NRAP: variants seen among roughly 807,000 people sequenced by gnomAD.
The protein encoded by NRAP is nebulin related anchoring protein.
NRAP carries 189 observed loss-of-function variants against 225.9 expected under a neutral mutation model. The observed-to-expected ratio is 0.84, with a 90% CI of 0.74 to 0.94. The LOEUF is 0.94. Among genes scored for constraint, NRAP ranks in the 40% least tolerant of loss-of-function variants. NRAP has a pLI of 0.00. For missense variants in NRAP, 2,176 were observed against 2,168.7 expected, an observed-to-expected ratio of 1.00 and a Z score of -0.07; for synonymous variants, 769 against 790.7, an observed-to-expected ratio of 0.97 and a Z score of 0.46.
chr10:113,651,270 A>G (rs1044360107), intron 7 of NRAP, among the ~76,000 whole-genome samples: 2 of 152,216 alleles, frequency 1.3e-5, no homozygotes, highest in Non-Finnish European at 2.9e-5. Context: ...AAGCAAGGAA[A>G]GAATGAGGGA....
chr10:113,654,977 T>A (rs1029908532), intron 4 of NRAP, among the ~76,000 whole-genome samples: 9 of 152,120 alleles, frequency 5.9e-5, no homozygotes, highest in Non-Finnish European at 1.3e-4. Context: ...CTGGGTTTGA[T>A]TGGACACAAG....
chr10:113,652,875 G>A, intron 6 of NRAP, 60 bp downstream of exon 6: 1 of 1,118,738 alleles, frequency 8.9e-7, no homozygotes, highest in South Asian at 1.3e-5. Flanking sequence ...CTAAATCACG[G>A]GGGCTCATTA....
intron 30 of NRAP, among the ~76,000 whole-genome samples, chr10:113,611,682 C>T (rs1847330943): frequency 6.6e-6 from 1 of 152,212 alleles, no homozygotes; most frequent in Non-Finnish European, 1.5e-5. Context: ...GTGCGTCAGT[C>T]CTGACAGGTT....
chr10:113,625,447 C>A (rs1848230272), intron 21 of NRAP, among the ~76,000 whole-genome samples: 1 of 152,196 alleles, frequency 6.6e-6, no homozygotes. Flanking sequence ...TTCCTCTCCA[C>A]CCCCAACTTG....
At chr10:113,624,687 G>T (rs1848186265) in intron 22 of NRAP, 139 bp downstream of exon 22, 2 of 645,860 alleles carry the variant, frequency 3.1e-6, no homozygotes, top group Non-Finnish European at 5.6e-6. Flanking sequence ...GATCTGCTGG[G>T]TGAGCTGTTT....
chr10:113,589,106 T>TA, intron 41 of NRAP, 27 bp from the exon 42 acceptor site: 1 of 1,594,100 alleles, frequency 6.3e-7, no homozygotes, highest in Non-Finnish European at 8.6e-7. Context: ...TACCCCAAGT[T>TA]AAAATGAAGC....
intron 12 of NRAP, 76 bp downstream of exon 12, chr10:113,642,858 G>T: frequency 1.2e-6 from 1 of 800,284 alleles, no homozygotes; most frequent in South Asian, 1.4e-5. Context: ...CATTCCCATA[G>T]ACTGTCCCTC....
rs189150188 is a variant in NRAP, at chr10:113,621,997, C to A, written c.2641G>T (p.Val881Leu). The change falls in exon 24 of 42, where the codon GTG becomes TTG. Residue 881 changes from valine (V) to leucine (L), a missense_variant. Around this residue, in one of 3 missense-constraint regions of NRAP, gnomAD observed 1,708 missense variants for 1,695.5 expected, o/e 1.01. Coordinates refer to ENST00000359988, the MANE Select transcript of NRAP (RefSeq NM_198060.4). Reference sequence around the variant, plus strand: ...AAATGCTGAGCTTTGCGGGCATGCACGAGGTGGACCATGTCCAGGGAGACG... The same window carrying A: ...AAATGCTGAGCTTTGCGGGCATGCAAGAGGTGGACCATGTCCAGGGAGACG... Reference protein sequence around the residue: ...CHVSLDMVHLVHARKAQHLAT... With the variant: ...CHVSLDMVHLLHARKAQHLAT... The A allele has an allele frequency of 1.2e-5, 19 of 1,614,074 alleles. No individual in the cohort carries two copies. Among genetic ancestry groups the A allele is most frequent in the Non-Finnish European group, 1.6e-5 (19 of 1,180,030 alleles).
In NRAP at chr10:113,629,612, C is replaced by T. The variant is rs1848471493; in HGVS notation, c.2016G>A (p.Lys672=). ...CCTCGCTCTGGAGCCCATAGGCCTT[C>T]TTGGCCCACTGAGTCTTCATATCTT... The part of the protein sequence containing the change: ...LPEDMKTQWA[K]KAYGLQSELQ... Residue 672 remains lysine, a synonymous_variant, in exon 19 of 42, where the codon AAG becomes AAA. Transcript: ENST00000359988. 1.9e-6 allele frequency: 3 copies of T among 1,613,554 alleles called. No individual in the cohort carries two copies. The highest frequency in any genetic ancestry group is 2.5e-6 in the Non-Finnish European group (3 of 1,179,622).
In NRAP at chr10:113,620,601, C is replaced by T; in HGVS notation, c.2874+3G>A. On this transcript the variant is annotated splice_donor_region_variant and intron_variant, in intron 25 of 41. Transcript: ENST00000359988. ...CCTGTTACAGGCTGTCAGGAAATCT[C>T]ACCTCGCTAATGAGTTCTCCTGCCT... 2 of 1,596,838 alleles carry T rather than the reference C, an allele frequency of 1.3e-6. No individual in the cohort carries two copies. The highest frequency in any genetic ancestry group is 1.7e-4 in the Middle Eastern group (1 of 6,022).
At chr10:113,660,709 A>G (rs1000842816) in intron 3 of NRAP, among the ~76,000 whole-genome samples, 6 of 152,216 alleles carry the variant, frequency 3.9e-5, no homozygotes, top group East Asian at 1.9e-4. Context: ...GGTAAAGTAC[A>G]TCTCCTCATG....
At position 113,633,071 on chromosome 10, in the gene NRAP, A is replaced by G. The variant is rs1848663203; in HGVS notation, c.1632+13T>C. On this transcript the variant is annotated intron_variant, in intron 16 of 41. Transcript: ENST00000359988. ...ATAACCCCCTCCACCGTCTCCCCAC[A>G]TTGCTCTCTTACCTCACTGAAGAGT... 2.2e-6 allele frequency: 3 copies of G among 1,375,600 alleles called. No homozygotes were observed. Among genetic ancestry groups the G allele is most frequent in the Non-Finnish European group, 3.1e-6 (3 of 963,272 alleles). 85.2% of individuals were successfully genotyped at this position (1,375,600 alleles called of 1,614,324 possible).
chr10:113,630,569 C>T (rs540832846), intron 18 of NRAP, among the ~76,000 whole-genome samples: 44 of 152,230 alleles, frequency 2.9e-4, no homozygotes, highest in South Asian at 1.0e-3. Flanking sequence ...ATTTGCTACC[C>T]CTCTACCACT....
At chr10:113,623,458 A>G in intron 23 of NRAP, 71 bp downstream of exon 23, 1 of 934,542 alleles carries the variant, frequency 1.1e-6, no homozygotes. Flanking sequence ...CTGCCCAGAC[A>G]CTCAGAGAAT....
intron 40 of NRAP, among the ~76,000 whole-genome samples, 165 bp downstream of exon 40, chr10:113,590,413 G>A (rs778566670): frequency 6.7e-6 from 1 of 149,106 alleles, no homozygotes; most frequent in Non-Finnish European, 1.5e-5. Flanking sequence ...CTCGAGAAGT[G>A]GTGGTTATTA....
intron 4 of NRAP, 126 bp from the exon 5 acceptor site, chr10:113,654,251 C>A: frequency 3.3e-6 from 2 of 603,010 alleles, no homozygotes; most frequent in Non-Finnish European, 3.0e-6. Flanking sequence ...TGGGTCTCAG[C>A]TAACTGAAAT....
intron 41 of NRAP, chr10:113,589,312 T>C (rs1006932283): frequency 2.6e-5 from 15 of 577,320 alleles, no homozygotes; most frequent in Non-Finnish European, 4.3e-5. Context: ...AAAGTAGGGT[T>C]CAAAATGCAG....
At chr10:113,622,710 GACA>G (rs753546308) in intron 23 of NRAP, among the ~76,000 whole-genome samples, 5 of 152,152 alleles carry the variant, frequency 3.3e-5, no homozygotes, top group Non-Finnish European at 5.9e-5. Context: ...TCTCAGCTCT[GACA>G]ACAACAACAG....
chr10:113,635,046 G>T (rs1035639712), intron 14 of NRAP, among the ~76,000 whole-genome samples: 1 of 152,194 alleles, frequency 6.6e-6, no homozygotes, highest in African/African-American at 2.4e-5. Flanking sequence ...AGGCAGAATC[G>T]TCAGTGCAGC....
Sources: gnomAD v4.1 joint callset for allele counts (sites outside exome capture counted in the v4.1 genomes callset) on GRCh38, gnomAD v4.1.1 for gene constraint, gnomAD v4.1.1 regional missense constraint, MANE v1.5 for transcripts, NCBI Gene and HGNC (gene_info 2026-07-23, HGNC 2026-07-21) for gene names.